The following MIPOL1 variants were observed in gnomAD, a reference collection of about 807,000 sequenced individuals.
The protein encoded by MIPOL1 is mirror-image polydactyly 1.
MIPOL1 carries 57 observed loss-of-function variants against 60.9 expected under a neutral mutation model. That is an observed-to-expected ratio of 0.94 (90% CI 0.76 to 1.17). The LOEUF (loss-of-function observed/expected upper bound fraction) is 1.17. MIPOL1 is among the 50% of genes most tolerant of loss of function. The probability of loss-of-function intolerance (pLI) is 0.00; values close to 1 mark genes in which losing one functional copy is unlikely to be tolerated. For missense variants in MIPOL1, 551 were observed against 511.6 expected (o/e 1.08, Z -0.74); for synonymous variants, 179 against 168.8 (o/e 1.06, Z -0.47).
At chr14:37,287,728 T>C (rs954515182) in intron 7 of MIPOL1, among the ~76,000 whole-genome samples, 1 of 152,122 alleles carries the variant, frequency 6.6e-6, no homozygotes, top group Non-Finnish European at 1.5e-5. Context: ...TATTAACAAA[T>C]GAGACTGAAA....
intron 11 of MIPOL1, among the ~76,000 whole-genome samples, chr14:37,467,323 G>T (rs1300255448): frequency 6.6e-6 from 1 of 152,190 alleles, no homozygotes; most frequent in Non-Finnish European, 1.5e-5. Context: ...TAAATAAAGT[G>T]CATACAGCAC....
chr14:37,395,457 T>A (rs2093353385), intron 10 of MIPOL1, among the ~76,000 whole-genome samples: 2 of 152,156 alleles, frequency 1.3e-5, no homozygotes, highest in South Asian at 4.1e-4. Context: ...CTTGTAGAGG[T>A]CTTTCACCTC....
At chr14:37,538,928 C>T (rs1007464746) in intron 12 of MIPOL1, among the ~76,000 whole-genome samples, 1 of 151,720 alleles carries the variant, frequency 6.6e-6, no homozygotes, top group Non-Finnish European at 1.5e-5. Flanking sequence ...GCCCAGCTGA[C>T]GCGGTGGCTC....
intron 10 of MIPOL1, among the ~76,000 whole-genome samples, chr14:37,412,565 ATATAT>A (rs898870717): frequency 9.9e-5 from 15 of 152,086 alleles, no homozygotes; most frequent in African/African-American, 3.6e-4. Flanking sequence ...AGAAAAGAAT[ATATAT>A]TATATTATTG....
At chr14:37,216,337 G>T (rs979766970) in intron 1 of MIPOL1, among the ~76,000 whole-genome samples, 27 of 152,186 alleles carry the variant, frequency 1.8e-4, no homozygotes, top group Non-Finnish European at 3.1e-4. Context: ...GTAATAGCTG[G>T]AGACTTCAAC....
intron 1 of MIPOL1, among the ~76,000 whole-genome samples, chr14:37,207,351 C>G (rs769408494): frequency 1.3e-5 from 2 of 152,058 alleles, no homozygotes; most frequent in Non-Finnish European, 2.9e-5. Context: ...TGAGGCCTCT[C>G]GATCCATGTG....
At chr14:37,369,709 C>A in intron 10 of MIPOL1, 85 bp downstream of exon 10, 2 of 961,732 alleles carry the variant, frequency 2.1e-6, no homozygotes, top group Non-Finnish European at 3.2e-6. Context: ...CAGTTGTGTA[C>A]ATTTCAGCAG....
chr14:37,395,130 A>G (rs2093346366), intron 10 of MIPOL1, among the ~76,000 whole-genome samples: 2 of 152,208 alleles, frequency 1.3e-5, no homozygotes, highest in Middle Eastern at 6.8e-3. Flanking sequence ...GCCTGTTTTT[A>G]TACCAGTACC....
intron 9 of MIPOL1, among the ~76,000 whole-genome samples, chr14:37,356,320 C>G (rs923102990): frequency 2.0e-5 from 3 of 151,774 alleles, no homozygotes; most frequent in African/African-American, 7.3e-5. Context: ...AGCTGTCAGA[C>G]AGGGACATTT....
At chr14:37,403,825 A>G (rs964118711) in intron 10 of MIPOL1, among the ~76,000 whole-genome samples, 5 of 152,166 alleles carry the variant, frequency 3.3e-5, no homozygotes, top group Non-Finnish European at 5.9e-5. Flanking sequence ...TGATGACCCA[A>G]CAGGGACATG....
In MIPOL1 at chr14:37,454,651, T is replaced by C. The variant is rs189824397; in HGVS notation, c.1031+31702T>C. On this transcript the variant is annotated intron_variant, in intron 11 of 12. Coordinates refer to ENST00000684589, the MANE Select transcript of MIPOL1 (RefSeq NM_001388067.1). ...AGTTGATAATAAAAGTATCCTATTA[T>C]AAAAACAGAATGAAAATATATAAAG... Among the ~76,000 whole-genome samples, 249 of 152,304 alleles carry C rather than the reference T, an allele frequency of 1.6e-3. 1 individual carries two copies. The highest frequency in any genetic ancestry group is 3.2e-3 in the Non-Finnish European group (215 of 68,024).
chr14:37,484,337 C>CTT (rs71449995), intron 11 of MIPOL1, among the ~76,000 whole-genome samples: 1,447 of 116,368 alleles, frequency 0.012, 41 homozygotes, highest in Middle Eastern at 0.03. Context: ...AATGTTAGAT[C>CTT]TTTTTTTTTT....
chr14:37,385,312 C>G (rs578221228), intron 10 of MIPOL1, among the ~76,000 whole-genome samples: 163 of 152,164 alleles, frequency 1.1e-3, no homozygotes, highest in Admixed American at 1.8e-3. Flanking sequence ...GATTACAGAA[C>G]AACACTTTAA....
chr14:37,552,175 A>G (rs1233417457), downstream of MIPOL1: 1 of 152,040 alleles, frequency 6.6e-6, no homozygotes, highest in Non-Finnish European at 1.5e-5. Context: ...AAATTCTATA[A>G]ACTGGTGTTA....
At chr14:37,304,132 G>C (rs2086579326) in intron 7 of MIPOL1, among the ~76,000 whole-genome samples, 2 of 151,666 alleles carry the variant, frequency 1.3e-5, no homozygotes, top group East Asian at 3.9e-4. Context: ...TCGAGTATAC[G>C]ATAAAATTAT....
chr14:37,233,383 G>A (rs904597056), intron 1 of MIPOL1, among the ~76,000 whole-genome samples: 2 of 152,028 alleles, frequency 1.3e-5, no homozygotes, highest in Non-Finnish European at 2.9e-5. Context: ...ATATGTGGAG[G>A]CTTCAAAAAG....
Position 37,547,119 on chromosome 14 carries a change from A to G in MIPOL1, c.*148A>G. On this transcript the variant is annotated 3_prime_UTR_variant, in exon 13 of 13. Coordinates refer to ENST00000684589, the MANE Select transcript of MIPOL1 (RefSeq NM_001388067.1). ...CACATTCCAAGCTGAGATAAAATCA[A>G]ATCACAAATGTTTAACCACTTTGCT... 3 of 642,900 alleles carry G rather than the reference A, an allele frequency of 4.7e-6. No homozygotes were observed. In the South Asian group the frequency reaches 6.5e-5, roughly 14 times the overall value. The allele number at this position is 642,900 out of a possible 1,614,324, so 39.8% of individuals were successfully genotyped here.
chr14:37,356,515 G>T (rs1360074112), intron 9 of MIPOL1, among the ~76,000 whole-genome samples: 2 of 152,208 alleles, frequency 1.3e-5, no homozygotes, highest in Non-Finnish European at 2.9e-5. Context: ...CCTCGCTGCC[G>T]CCTTGCAGTT....
chr14:37,312,123 C>G (rs901927542), intron 9 of MIPOL1, among the ~76,000 whole-genome samples: 3 of 152,084 alleles, frequency 2.0e-5, no homozygotes, highest in Non-Finnish European at 4.4e-5. Flanking sequence ...TTTACTTACT[C>G]TGAGAATGGA....
Sources: gnomAD v4.1 joint callset for allele counts (sites outside exome capture counted in the v4.1 genomes callset) on GRCh38, gnomAD v4.1.1 for gene constraint, MANE v1.5 for transcripts, NCBI Gene and HGNC (gene_info 2026-07-23, HGNC 2026-07-21) for gene names.